The following SLC9A9 variants were observed in gnomAD, a reference collection of about 807,000 sequenced individuals.
SLC9A9 encodes sodium/hydrogen exchanger 9.
SLC9A9 carries 62 observed loss-of-function variants against 77.8 expected under a neutral mutation model. The ratio of observed to expected loss-of-function variants is 0.80; its 90% CI spans 0.65 to 0.98. The LOEUF (loss-of-function observed/expected upper bound fraction) is 0.98, where lower values mean the gene tolerates loss of function less well. SLC9A9 is among the 50% of genes least tolerant of loss of function. The probability of loss-of-function intolerance (pLI) is 0.00; values close to 1 mark genes in which losing one functional copy is unlikely to be tolerated. For synonymous variants in SLC9A9, 320 were observed against 283.5 expected (o/e 1.13, Z -1.29); for missense variants, 775 against 774.9 (o/e 1.00, Z 0.00).
chr3:143,489,830 A>G (rs1167218395), intron 11 of SLC9A9, among the ~76,000 whole-genome samples: 2 of 152,136 alleles, frequency 1.3e-5, no homozygotes, highest in African/African-American at 4.8e-5. Flanking sequence ...ACTCTATGAC[A>G]AAAGATCCCA....
chr3:143,480,661 G>A (rs2035558316), intron 11 of SLC9A9, among the ~76,000 whole-genome samples: 2 of 152,178 alleles, frequency 1.3e-5, no homozygotes, highest in South Asian at 2.1e-4. Context: ...TGGGAGAGAT[G>A]AGGGCTTGGT....
At chr3:143,814,324 G>C (rs957578059) in intron 2 of SLC9A9, among the ~76,000 whole-genome samples, 4 of 152,150 alleles carry the variant, frequency 2.6e-5, no homozygotes, top group Admixed American at 1.3e-4. Context: ...AGAATCATCA[G>C]TATGGAAAAA....
intron 11 of SLC9A9, among the ~76,000 whole-genome samples, chr3:143,482,367 G>A (rs1362923888): frequency 6.6e-6 from 1 of 152,172 alleles, no homozygotes; most frequent in Non-Finnish European, 1.5e-5. Context: ...ATGAAGTTTT[G>A]TATAAATCCA....
chr3:143,570,692 T>C (rs2037242380), intron 8 of SLC9A9, among the ~76,000 whole-genome samples: 1 of 152,274 alleles, frequency 6.6e-6, no homozygotes, highest in South Asian at 2.1e-4. Flanking sequence ...TTTTTTTCAT[T>C]ATAAATTGTT....
chr3:143,732,320 T>G (rs1259410966), intron 4 of SLC9A9, among the ~76,000 whole-genome samples: 2 of 152,272 alleles, frequency 1.3e-5, no homozygotes, highest in Non-Finnish European at 1.5e-5. Flanking sequence ...GTATTTATTC[T>G]GAAATGATCT....
At chr3:143,634,459 T>C (rs530716614) in intron 6 of SLC9A9, among the ~76,000 whole-genome samples, 3 of 152,188 alleles carry the variant, frequency 2.0e-5, no homozygotes, top group Non-Finnish European at 4.4e-5. Flanking sequence ...GTGAAGTTCA[T>C]TGTATTTTTG....
At chr3:143,759,141 A>T (rs568548174) in intron 4 of SLC9A9, among the ~76,000 whole-genome samples, 51 of 152,234 alleles carry the variant, frequency 3.4e-4, no homozygotes, top group African/African-American at 1.2e-3. Flanking sequence ...AAGGATTTAC[A>T]TGAAATTATC....
At chr3:143,489,217 A>G (rs1396591804) in intron 11 of SLC9A9, among the ~76,000 whole-genome samples, 2 of 151,942 alleles carry the variant, frequency 1.3e-5, no homozygotes, top group Non-Finnish European at 2.9e-5. Flanking sequence ...ACTACAAAAC[A>G]TTACTGAAAT....
chr3:143,495,405 CAGA>C lies in SLC9A9; in HGVS notation c.1130_1132del (p.Phe377del), dbSNP rs2035815968. On this transcript the variant is annotated inframe_deletion, in exon 10 of 16. Coordinates refer to ENST00000316549, the MANE Select transcript of SLC9A9 (RefSeq NM_173653.4). ...CGTGAACAGTGCCAGGCCCATGTAACAGAAGATGACGTTCTCCGCCAAAAAGTT... is the reference window on the plus strand; with the variant it reads ...CGTGAACAGTGCCAGGCCCATGTAACAGATGACGTTCTCCGCCAAAAAGTT... 1 of 1,614,004 alleles carries C rather than the reference CAGA, an allele frequency of 6.2e-7. No individual in the cohort carries two copies. The highest frequency in any genetic ancestry group is 1.7e-5 in the Admixed American group (1 of 60,002).
At chr3:143,580,869 A>T (rs1169503012) in intron 6 of SLC9A9, among the ~76,000 whole-genome samples, 3 of 152,244 alleles carry the variant, frequency 2.0e-5, no homozygotes, top group Admixed American at 6.5e-5. Flanking sequence ...CTCCACAGAC[A>T]TATGCACTAG....
chr3:143,321,759 G>C (rs546928374), intron 14 of SLC9A9, among the ~76,000 whole-genome samples: 1 of 152,282 alleles, frequency 6.6e-6, no homozygotes, highest in South Asian at 2.1e-4. Context: ...CAAATATAGA[G>C]GGAATATCAA....
chr3:143,666,432 G>A (rs948276285), intron 5 of SLC9A9, among the ~76,000 whole-genome samples: 4 of 152,250 alleles, frequency 2.6e-5, no homozygotes, highest in African/African-American at 9.6e-5. Flanking sequence ...CACAAGACAG[G>A]GATGCCCTCT....
chr3:143,361,456 C>T (rs1018259612), intron 14 of SLC9A9, among the ~76,000 whole-genome samples: 2 of 152,034 alleles, frequency 1.3e-5, no homozygotes, highest in African/African-American at 2.4e-5. Flanking sequence ...TCTGGGTGGA[C>T]AATAGAATGA....
Position 143,691,538 on chromosome 3 carries a change from G to A in SLC9A9, c.649+1654C>T, listed in dbSNP as rs556551630. On this transcript the variant is annotated intron_variant, in intron 5 of 15. Transcript: ENST00000316549. ...ACTATGATGGATCCAGACAAAAACA[G>A]TACTATTATGTAATTGTTGATGAAC... is the stretch of plus-strand genomic sequence containing the variant. 5.9e-4 allele frequency among the ~76,000 whole-genome samples: 90 copies of A among 152,248 alleles called. 1 individual carries two copies. The highest frequency in any genetic ancestry group is 2.1e-3 in the African/African-American group (86 of 41,556).
At chr3:143,382,829 T>A (rs1559891337) in intron 12 of SLC9A9, among the ~76,000 whole-genome samples, 1 of 152,232 alleles carries the variant, frequency 6.6e-6, no homozygotes, top group South Asian at 2.1e-4. Flanking sequence ...GCCTACTGAC[T>A]TTGCTACTCT....
intron 6 of SLC9A9, among the ~76,000 whole-genome samples, chr3:143,644,729 C>T (rs2038676186): frequency 6.6e-6 from 1 of 151,886 alleles, no homozygotes; most frequent in Non-Finnish European, 1.5e-5. Context: ...AATTGACTCC[C>T]AAGACAAGGA....
At chr3:143,389,587 G>T (rs566454093) in intron 12 of SLC9A9, among the ~76,000 whole-genome samples, 2 of 152,318 alleles carry the variant, frequency 1.3e-5, no homozygotes, top group East Asian at 1.9e-4. Flanking sequence ...GAAACTCAGG[G>T]TCAGTAAGAT....
At chr3:143,351,573 C>A (rs1408662068) in intron 14 of SLC9A9, among the ~76,000 whole-genome samples, 1 of 152,048 alleles carries the variant, frequency 6.6e-6, no homozygotes, top group Non-Finnish European at 1.5e-5. Flanking sequence ...AGTACCCATT[C>A]CACAGTGGGA....
chr3:143,534,971 TC>T (rs777742518), intron 9 of SLC9A9, among the ~76,000 whole-genome samples: 27 of 152,084 alleles, frequency 1.8e-4, no homozygotes, highest in Non-Finnish European at 3.4e-4. Flanking sequence ...AGCATTTTTT[TC>T]TCCCAAATAG....
Sources: allele counts gnomAD v4.1 joint callset (sites outside exome capture counted in the v4.1 genomes callset), GRCh38; gene constraint gnomAD v4.1.1; transcripts MANE v1.5; gene names NCBI Gene and HGNC (gene_info 2026-07-23, HGNC 2026-07-21).